Variants in ATG2B observed in about 807,000 individuals in gnomAD.
ATG2B encodes autophagy-related protein 2 homolog B.
ATG2B carries 121 observed loss-of-function variants against 241.3 expected under a neutral mutation model. The ratio of observed to expected loss-of-function variants is 0.50; its 90% CI spans 0.43 to 0.58. The LOEUF is 0.58. Among genes scored for constraint, ATG2B ranks in the 20% least tolerant of loss-of-function variants. The probability of loss-of-function intolerance (pLI) is 0.00; values close to 1 mark genes in which losing one functional copy is unlikely to be tolerated. For missense variants in ATG2B, 2,306 were observed against 2,491.6 expected (o/e 0.93, Z 1.59); for synonymous variants, 858 against 876.6 (o/e 0.98, Z 0.37).
In ATG2B at chr14:96,328,420, T is replaced by G. The variant is rs1328606526; in HGVS notation, c.2090A>C (p.Gln697Pro). The G allele has an allele frequency of 4.3e-6, 7 of 1,613,616 alleles. No homozygotes were observed. Among genetic ancestry groups the G allele is most frequent in the Non-Finnish European group, 5.9e-6 (7 of 1,179,858 alleles). ...CTCTACTGTGGCAAGTTTCTGTGGT[T>G]GAAGCAAGGAATTTAACCTGTCCAC... ...SIVDRLNSLL[Q>P]PQKLATVEMM... Residue 697 changes from glutamine to proline, a missense_variant, in exon 14 of 42, where the codon CAA becomes CCA. Around this residue, in one of 2 missense-constraint regions of ATG2B, gnomAD observed 1,927 missense variants for 2,011.2 expected, o/e 0.96. Transcript: ENST00000359933.
rs755165228 is a variant in ATG2B, at chr14:96,347,333, A to G, written c.171T>C (p.Asn57=). 2 of 1,558,868 alleles carry G rather than the reference A, an allele frequency of 1.3e-6. No homozygotes were observed. The highest frequency in any genetic ancestry group is 3.4e-5 in the Admixed American group (2 of 58,344). The change falls in exon 2 of 42, where the codon AAT becomes AAC. Residue 57 remains asparagine, a synonymous_variant. Transcript: ENST00000359933. ...AQVPLDKWCL[N]EILESADAPL... ...GTGCATCTGCTGACTCCAAGATCTC[A>G]TTGAGACACTAAGGAGAAAAAACAG...
chr14:96,308,991 G>A (rs1887077146), intron 29 of ATG2B, among the ~76,000 whole-genome samples: 1 of 152,114 alleles, frequency 6.6e-6, no homozygotes. Context: ...TCTGTGCTCT[G>A]TTGATGTTAA....
Position 96,302,161 on chromosome 14 carries a change from T to C in ATG2B, c.5038-53A>G. ...TTTCCCCAATAATATGATGACCTTC[T>C]TCTCTTTAAAAATAAGAAAAAAAAA... On this transcript the variant is annotated intron_variant, in intron 33 of 41. Transcript: ENST00000359933. The C allele has an allele frequency of 3.5e-6, 4 of 1,128,098 alleles. No individual in the cohort carries two copies. The South Asian group carries it at 3.9e-5, about 11-fold the overall frequency. 69.9% of individuals were successfully genotyped at this position (1,128,098 alleles called of 1,614,324 possible).
intron 15 of ATG2B, chr14:96,324,279 C>A: frequency 6.6e-6 from 2 of 302,536 alleles, no homozygotes; most frequent in South Asian, 5.9e-5. Flanking sequence ...TTACTAAGTG[C>A]TATTAGTGAT....
In ATG2B at chr14:96,311,255, G is replaced by A. The variant is rs376160045; in HGVS notation, c.4023C>T (p.Ser1341=). 35 of 1,613,694 alleles carry A rather than the reference G, an allele frequency of 2.2e-5. No individual in the cohort carries two copies. The East Asian group carries it at 2.5e-4, about 11-fold the overall frequency. Residue 1341 remains serine, a synonymous_variant, in exon 28 of 42, where the codon AGC becomes AGT. Coordinates refer to ENST00000359933, the MANE Select transcript of ATG2B (RefSeq NM_018036.7). ...AGCACGTTCTGATATGGACAACATC[G>A]CTGGAACAGTGTAACTCAAAGCGGG... ...TEPRFELHCS[S]DVVHIRTCSD... is the part of the protein sequence containing the mutation.
Position 96,290,319 on chromosome 14 carries a change from A to AT in ATG2B, c.5856+116dup. On this transcript the variant is annotated intron_variant, in intron 40 of 41. Coordinates refer to ENST00000359933, the MANE Select transcript of ATG2B (RefSeq NM_018036.7). This position sits in a 1 kb window ranked among gnomAD's most constrained non-coding sequence, Gnocchi z 4.4. ...CAAGCATGACATTAAATCACTACGA[A>AT]TAAAGTATCTACTCACAACATTTTG... 1 of 1,364,836 alleles carries AT rather than the reference A, an allele frequency of 7.3e-7. No individual in the cohort carries two copies. The highest frequency in any genetic ancestry group is 9.9e-7 in the Non-Finnish European group (1 of 1,009,798). The allele number at this position is 1,364,836 out of a possible 1,614,324, so 84.5% of individuals were successfully genotyped here.
chr14:96,307,395 A>T (rs1243103763), intron 29 of ATG2B, among the ~76,000 whole-genome samples: 1 of 152,134 alleles, frequency 6.6e-6, no homozygotes, highest in Non-Finnish European at 1.5e-5. Flanking sequence ...TGCGTGACAG[A>T]CCAAGAACCT....
chr14:96,331,262 T>C, intron 11 of ATG2B, 114 bp downstream of exon 11: 3 of 1,018,282 alleles, frequency 2.9e-6, no homozygotes, highest in Non-Finnish European at 4.3e-6. Flanking sequence ...AAAATGTGAA[T>C]TAGAAAAACA....
At chr14:96,322,385 A>C in intron 17 of ATG2B, 131 bp from the exon 18 acceptor site, 12 of 1,311,860 alleles carry the variant, frequency 9.1e-6, no homozygotes, top group Non-Finnish European at 1.2e-5. Flanking sequence ...TAGAGAAAAT[A>C]TACACCAAGA....
Position 96,289,671 on chromosome 14 carries a change from G to A in ATG2B, c.5991C>T (p.Tyr1997=). The A allele has an allele frequency of 1.2e-6, 2 of 1,614,198 alleles. No homozygotes were observed. Among genetic ancestry groups the A allele is most frequent in the East Asian group, 2.2e-5 (1 of 44,886 alleles). ...VDLREGVAKA[Y]SVVKEGITDT... ...ATTCAGTTACCTCTTTCACAACACT[G>A]TAGGCCTTGGCCACACCTTCCCTCA... Residue 1997 remains tyrosine (Y), a synonymous_variant, in exon 41 of 42, where the codon TAC becomes TAT. Transcript: ENST00000359933. The surrounding 1 kb of genome is among the most constrained non-coding windows in gnomAD (Gnocchi z 4.3).
chr14:96,362,902 A>G lies in ATG2B; in HGVS notation c.75T>C (p.Phe25=), dbSNP rs1336527976. 6.2e-7 allele frequency: 1 copy of G among 1,613,636 alleles called. No individual in the cohort carries two copies. Among genetic ancestry groups the G allele is most frequent in the Non-Finnish European group, 8.5e-7 (1 of 1,179,988 alleles). ...GCTCCAGGCTCAGCTTCTCCTGCAG[A>G]AAGTGGCCCAGGTACCTCTGCAGGA... ...RYLLQRYLGH[F]LQEKLSLEQL... Residue 25 remains phenylalanine (F), a synonymous_variant, in exon 1 of 42, where the codon TTT becomes TTC. Transcript: ENST00000359933.
In ATG2B at chr14:96,281,428, C is replaced by T. The variant is rs1886195363; in HGVS notation, c.*4327G>A. 1 of 152,166 alleles carries T rather than the reference C, an allele frequency of 6.6e-6. No homozygotes were observed. Among genetic ancestry groups the T allele is most frequent in the African/African-American group, 2.4e-5 (1 of 41,422 alleles). The allele number at this position is 152,166 out of a possible 1,614,324, so 9.4% of individuals were successfully genotyped here. A position where few individuals can be genotyped will look rare whatever the true frequency, so the allele number is the denominator to read the frequency against. ...GAAAAATTAGGAAACTTAGCAAAGA[C>T]AGTCAATACACATGTTCTTTTACTT... is the stretch of plus-strand genomic sequence containing the variant. On this transcript the variant is annotated 3_prime_UTR_variant, in exon 42 of 42. Transcript: ENST00000359933.
In ATG2B at chr14:96,288,807, G is replaced by GAA. The variant is rs71103509; in HGVS notation, c.6006+847_6006+848dup. Among the ~76,000 whole-genome samples the GAA allele has an allele frequency of 5.2e-3, 654 of 125,964 alleles. 4 individuals carry two copies. Among genetic ancestry groups the GAA allele is most frequent in the Middle Eastern group, 0.014 (3 of 220 alleles). 82.6% of individuals were successfully genotyped at this position (125,964 alleles called of 152,430 possible). ...CAGGGAATGACGCTGACAACACCCA[G>GAA]AAAAAAAAAAAAAAACAGGGTTCAC... On this transcript the variant is annotated intron_variant, in intron 41 of 41. Coordinates refer to ENST00000359933, the MANE Select transcript of ATG2B (RefSeq NM_018036.7).
At chr14:96,357,446 T>G (rs1158962538) in intron 1 of ATG2B, among the ~76,000 whole-genome samples, 2 of 152,188 alleles carry the variant, frequency 1.3e-5, no homozygotes, top group African/African-American at 2.4e-5. Flanking sequence ...ATATTCCCAG[T>G]GCCTCCTGAG....
At chr14:96,316,796 C>A in intron 20 of ATG2B, 113 bp from the exon 21 acceptor site, 1 of 838,266 alleles carries the variant, frequency 1.2e-6, no homozygotes, top group Non-Finnish European at 1.8e-6. Context: ...CATACTGCAG[C>A]AAAGCAGTCT....
At chr14:96,312,272 T>C in intron 25 of ATG2B, 113 bp from the exon 26 acceptor site, 1 of 725,098 alleles carries the variant, frequency 1.4e-6, no homozygotes, top group Non-Finnish European at 2.3e-6. Context: ...ATTGTTGAAA[T>C]CATAAGCAGT....
At position 96,305,700 on chromosome 14, in the gene ATG2B, A is replaced by T; in HGVS notation, c.4622T>A (p.Phe1541Tyr). The change falls in exon 31 of 42, where the codon TTT becomes TAT. Residue 1541 changes from phenylalanine (F) to tyrosine (Y), a missense_variant. Physicochemically the swap from Phe to Tyr is conservative, Grantham distance 22. Around this residue, in one of 2 missense-constraint regions of ATG2B, gnomAD observed 1,927 missense variants for 2,011.2 expected, o/e 0.96. Coordinates refer to ENST00000359933, the MANE Select transcript of ATG2B (RefSeq NM_018036.7). ...CACATAGCGAATCACAGGAATGGGA[A>T]AGTGTAAGGGGGCTTTGCTCGTATC... ...KTDTSKAPLH[F>Y]PIPVIRYVVK... 5 of 1,614,182 alleles carry T rather than the reference A, an allele frequency of 3.1e-6. No individual in the cohort carries two copies. Among genetic ancestry groups the T allele is most frequent in the Non-Finnish European group, 4.2e-6 (5 of 1,180,010 alleles).
chr14:96,345,325 TTTGCCAA>T lies in ATG2B; in HGVS notation c.379_385del (p.Leu127LysfsTer8). On this transcript the variant is annotated frameshift_variant, in exon 3 of 42. Transcript: ENST00000359933. LOFTEE classifies it high-confidence loss of function. ...TGTTAGTTTCTGGCTAAGACATTCT[TTTGCCAA>T]TTGCATACTGCTGGTCATAAAACTT... 1 of 1,613,410 alleles carries T rather than the reference TTTGCCAA, an allele frequency of 6.2e-7. No individual in the cohort carries two copies. The highest frequency in any genetic ancestry group is 1.3e-5 in the African/African-American group (1 of 75,014).
At chr14:96,362,691 G>A (rs1386229001) in intron 1 of ATG2B, 124 bp downstream of exon 1, 4 of 941,472 alleles carry the variant, frequency 4.2e-6, no homozygotes, top group Non-Finnish European at 6.4e-6. Flanking sequence ...TCTGAGCCGT[G>A]TCACACTCGG....
Sources: allele counts gnomAD v4.1 joint callset (sites outside exome capture counted in the v4.1 genomes callset), GRCh38; gene constraint gnomAD v4.1.1; regional missense constraint gnomAD v4.1.1; non-coding constraint Gnocchi (gnomAD v3.1); transcripts MANE v1.5; gene names NCBI Gene and HGNC (gene_info 2026-07-23, HGNC 2026-07-21).